The following TANC1 variants were observed in gnomAD, a reference collection of about 807,000 sequenced individuals.
The protein encoded by TANC1 is tetratricopeptide repeat, ankyrin repeat and coiled-coil containing 1, also known as protein TANC1.
TANC1 carries 77 observed loss-of-function variants against 149.7 expected under a neutral mutation model. The observed-to-expected ratio is 0.51, with a 90% CI of 0.43 to 0.62. The LOEUF is 0.62. Ranked by LOEUF, TANC1 falls within the 20% of genes least tolerant of loss-of-function variation. The pLI, the probability that TANC1 is intolerant of heterozygous loss-of-function variation, is 0.00. For missense variants in TANC1, 1,985 were observed against 2,321.8 expected, an observed-to-expected ratio of 0.85 and a Z score of 2.98; for synonymous variants, 854 against 925.0, an observed-to-expected ratio of 0.92 and a Z score of 1.39.
intron 1 of TANC1, among the ~76,000 whole-genome samples, chr2:158,994,427 A>G (rs2035955021): frequency 1.3e-5 from 2 of 151,966 alleles, no homozygotes; most frequent in South Asian, 4.2e-4. Flanking sequence ...GTGCTACCAA[A>G]CCCTGCTAAT....
chr2:159,136,086 C>T (rs1006653059), intron 4 of TANC1, 108 bp from the exon 5 acceptor site: 26 of 656,408 alleles, frequency 4.0e-5, no homozygotes, highest in Non-Finnish European at 6.5e-5. Flanking sequence ...AAGGCACTGG[C>T]TCTTCCTCTA....
At chr2:159,144,664 T>TG (rs2051854977) in intron 5 of TANC1, among the ~76,000 whole-genome samples, 1 of 152,258 alleles carries the variant, frequency 6.6e-6, no homozygotes, top group African/African-American at 2.4e-5. Flanking sequence ...CCGAAAGTGC[T>TG]GGGATTACAG....
intron 25 of TANC1, chr2:159,228,532 C>A: frequency 2.3e-6 from 1 of 441,854 alleles, no homozygotes; most frequent in East Asian, 4.3e-5. Context: ...GAGGCTGCCC[C>A]TCCACCGGGC....
chr2:159,059,344 A>C (rs2042064702), intron 2 of TANC1, among the ~76,000 whole-genome samples: 1 of 151,908 alleles, frequency 6.6e-6, no homozygotes, highest in Non-Finnish European at 1.5e-5. Flanking sequence ...ATCTCTATGA[A>C]AAAATAAGCA....
intron 3 of TANC1, among the ~76,000 whole-genome samples, chr2:159,083,190 A>G (rs1187994459): frequency 6.6e-6 from 1 of 151,766 alleles, no homozygotes; most frequent in Non-Finnish European, 1.5e-5. Context: ...CCTGGCCTCA[A>G]GTGATCTGCC....
chr2:159,230,373 G>C lies in TANC1; in HGVS notation c.4947G>C (p.Ala1649=). 1 of 1,614,058 alleles carries C rather than the reference G, an allele frequency of 6.2e-7. No individual in the cohort carries two copies. Among genetic ancestry groups the C allele is most frequent in the Non-Finnish European group, 8.5e-7 (1 of 1,180,030 alleles). Residue 1649 remains alanine, a synonymous_variant, in exon 27 of 27, where the codon GCG becomes GCC. Coordinates refer to ENST00000263635, the MANE Select transcript of TANC1 (RefSeq NM_033394.3). The surrounding 1 kb of genome is among the most constrained non-coding windows in gnomAD (Gnocchi z 4.4). ...CCCCTCCAAACCAAGGTGGGCTGGC[G>C]ACCTGCAGCGACGTGCGACACCCAG... ...DAAPPNQGGL[A]TCSDVRHPAS...
chr2:159,074,789 G>A (rs756145135), intron 3 of TANC1, among the ~76,000 whole-genome samples: 3 of 152,172 alleles, frequency 2.0e-5, no homozygotes, highest in South Asian at 4.2e-4. Flanking sequence ...ATTTCCCCTC[G>A]CCATGCTGCA....
At chr2:159,154,346 T>C (rs2053191573) in intron 7 of TANC1, among the ~76,000 whole-genome samples, 1 of 152,228 alleles carries the variant, frequency 6.6e-6, no homozygotes, top group Non-Finnish European at 1.5e-5. Context: ...GTCCAGCAGA[T>C]GCAGGGACAG....
In TANC1 at chr2:159,150,573, T is replaced by TC. The variant is rs779334721; in HGVS notation, c.682+18dup. 3.1e-6 allele frequency: 5 copies of TC among 1,593,816 alleles called. No individual in the cohort carries two copies. The Admixed American group carries it at 8.3e-5, about 27-fold the overall frequency. On this transcript the variant is annotated intron_variant, in intron 7 of 26. Transcript: ENST00000263635. ...GAATTATAGGTAAGAAGCACACTGC[T>TC]CGGTAACATAATGGCTCGAATCTCA... is the stretch of plus-strand genomic sequence containing the variant.
At chr2:158,981,084 C>G (rs1197053518) in intron 1 of TANC1, among the ~76,000 whole-genome samples, 1 of 151,778 alleles carries the variant, frequency 6.6e-6, no homozygotes, top group African/African-American at 2.4e-5. Context: ...ATATTTTTGG[C>G]AAAAATAGGT....
At position 159,179,176 on chromosome 2, in the gene TANC1, C is replaced by A. The variant is rs372828501; in HGVS notation, c.2510+13C>A. On this transcript the variant is annotated intron_variant, in intron 14 of 26. Coordinates refer to ENST00000263635, the MANE Select transcript of TANC1 (RefSeq NM_033394.3). ...TGTGTGAGCCCAGGTACGGCAGGCG[C>A]TTTCTTTCAGCTCTTTGCAGGGAAT... 6.3e-7 allele frequency: 1 copy of A among 1,596,636 alleles called. No homozygotes were observed. The highest frequency in any genetic ancestry group is 8.5e-7 in the Non-Finnish European group (1 of 1,170,606).
chr2:159,021,371 A>G (rs1259462000), intron 2 of TANC1, among the ~76,000 whole-genome samples: 2 of 152,310 alleles, frequency 1.3e-5, no homozygotes, highest in African/African-American at 2.4e-5. Context: ...ATTCAACTGA[A>G]AATCATTTAG....
At chr2:159,020,906 T>C (rs996481609) in intron 2 of TANC1, among the ~76,000 whole-genome samples, 2 of 152,014 alleles carry the variant, frequency 1.3e-5, no homozygotes, top group African/African-American at 2.4e-5. Context: ...TCCAGTTGTG[T>C]CTTTTTAGAT....
At chr2:159,036,507 C>A (rs371783395) in intron 2 of TANC1, among the ~76,000 whole-genome samples, 2 of 152,118 alleles carry the variant, frequency 1.3e-5, no homozygotes, top group African/African-American at 4.8e-5. Context: ...CATCCCTCCC[C>A]CATCCTCCCA....
At chr2:159,034,345 A>G (rs961055784) in intron 2 of TANC1, among the ~76,000 whole-genome samples, 1 of 152,162 alleles carries the variant, frequency 6.6e-6, no homozygotes, top group Non-Finnish European at 1.5e-5. Flanking sequence ...TTTTTGAGGC[A>G]TAAATATTTC....
At chr2:158,977,539 G>A (rs1401244045) in intron 1 of TANC1, among the ~76,000 whole-genome samples, 1 of 151,810 alleles carries the variant, frequency 6.6e-6, no homozygotes, top group African/African-American at 2.4e-5. Context: ...TCAAACTCCT[G>A]AGCTCAAGTG....
intron 2 of TANC1, among the ~76,000 whole-genome samples, chr2:159,025,927 G>A (rs1421128868): frequency 6.6e-6 from 1 of 152,044 alleles, no homozygotes; most frequent in Non-Finnish European, 1.5e-5. Context: ...TTGCTTCAGT[G>A]TTTTTTGCTA....
intron 22 of TANC1, 31 bp from the exon 23 acceptor site, chr2:159,224,201 G>A (rs2059878367): frequency 1.9e-6 from 3 of 1,613,168 alleles, no homozygotes; most frequent in South Asian, 1.1e-5. Context: ...CCTGTTCCCA[G>A]CTGCTGCTTA....
chr2:158,974,684 C>G (rs1573902208), intron 1 of TANC1, among the ~76,000 whole-genome samples: 1 of 152,228 alleles, frequency 6.6e-6, no homozygotes, highest in African/African-American at 2.4e-5. Flanking sequence ...CCACCTGCCT[C>G]AGCCTCCCAA....
Sources: allele counts gnomAD v4.1 joint callset (sites outside exome capture counted in the v4.1 genomes callset), GRCh38; gene constraint gnomAD v4.1.1; non-coding constraint Gnocchi (gnomAD v3.1); transcripts MANE v1.5; gene names NCBI Gene and HGNC (gene_info 2026-07-23, HGNC 2026-07-21).